The following MET variants were observed in gnomAD, a reference collection of about 807,000 sequenced individuals.
MET encodes the protein MET proto-oncogene, receptor tyrosine kinase.
MET carries 48 observed loss-of-function variants against 133.1 expected under a neutral mutation model. The observed-to-expected ratio is 0.36, with a 90% CI of 0.29 to 0.46. MET has a LOEUF of 0.46. MET is among the 20% of genes least tolerant of loss of function. MET has a pLI of 1.00. For missense variants in MET, 1,442 were observed against 1,695.9 expected (o/e 0.85, Z 2.63); for synonymous variants, 628 against 616.5 (o/e 1.02, Z -0.28).
chr7:116,789,770 T>C (rs1795427421), intron 19 of MET, among the ~76,000 whole-genome samples: 1 of 152,198 alleles, frequency 6.6e-6, no homozygotes, highest in Non-Finnish European at 1.5e-5. Context: ...TCCTTTCTTA[T>C]TGTGGCAAAA....
At chr7:116,789,447 CGGTTTTTCA>C (rs1795416898) in intron 19 of MET, among the ~76,000 whole-genome samples, 1 of 152,136 alleles carries the variant, frequency 6.6e-6, no homozygotes, top group African/African-American at 2.4e-5. Flanking sequence ...TTTCAGTGTT[CGGTTTTTCA>C]GGTTTTGACA....
At chr7:116,677,297 C>T (rs907409362) in intron 1 of MET, among the ~76,000 whole-genome samples, 1 of 152,152 alleles carries the variant, frequency 6.6e-6, no homozygotes, top group Non-Finnish European at 1.5e-5. Context: ...AGTATTAAGT[C>T]ACTGCATTGG....
Position 116,795,273 on chromosome 7 carries a change from G to A in MET, c.3799-382G>A, listed in dbSNP as rs970607296. 2.1e-4 allele frequency among the ~76,000 whole-genome samples: 32 copies of A among 152,198 alleles called. 1 individual carries two copies. The highest frequency in any genetic ancestry group is 4.4e-5 in the Non-Finnish European group (3 of 67,992). On this transcript the variant is annotated intron_variant, in intron 19 of 20. Transcript: ENST00000397752. The stretch of plus-strand genomic sequence containing the variant: ...ACCACACAAATTTAAATTTTGGGAG[G>A]CTTTCTTCTTCTTTTACAAGTAATG...
At chr7:116,765,448 A>G (rs1460459693) in intron 11 of MET, among the ~76,000 whole-genome samples, 1 of 152,110 alleles carries the variant, frequency 6.6e-6, no homozygotes, top group Non-Finnish European at 1.5e-5. Context: ...GATTGTGATC[A>G]TTCCCTGCCC....
chr7:116,750,114 G>A (rs551452197), intron 5 of MET, among the ~76,000 whole-genome samples: 49 of 152,236 alleles, frequency 3.2e-4, no homozygotes, highest in African/African-American at 7.0e-4. Context: ...AAAAGAGCCC[G>A]CATAGCCAAG....
chr7:116,683,198 T>G (rs1796425833), intron 1 of MET, among the ~76,000 whole-genome samples: 1 of 152,246 alleles, frequency 6.6e-6, no homozygotes, highest in Non-Finnish European at 1.5e-5. Context: ...TTATCTTTTC[T>G]GCTCCTCTCC....
intron 5 of MET, among the ~76,000 whole-genome samples, chr7:116,754,932 AAAGAAAG>A (rs1794085355): frequency 6.9e-6 from 1 of 145,570 alleles, no homozygotes; most frequent in South Asian, 2.2e-4. Context: ...AGAAAGAAAG[AAAGAAAG>A]AAAGAAAGAA....
chr7:116,729,800 C>T (rs142065796), intron 2 of MET, among the ~76,000 whole-genome samples: 45 of 152,238 alleles, frequency 3.0e-4, no homozygotes, highest in Non-Finnish European at 5.6e-4. Flanking sequence ...TCTGGAAAAA[C>T]AAAAAGCTTT....
chr7:116,764,705 C>G (rs776756331), intron 11 of MET, among the ~76,000 whole-genome samples: 1 of 152,120 alleles, frequency 6.6e-6, no homozygotes, highest in Non-Finnish European at 1.5e-5. Context: ...TCATCCTCGG[C>G]CTGTCAATGG....
chr7:116,718,265 T>G (rs2116695528), intron 2 of MET, among the ~76,000 whole-genome samples: 1 of 152,150 alleles, frequency 6.6e-6, no homozygotes, highest in African/African-American at 2.4e-5. Flanking sequence ...GGCGGGCACC[T>G]GTAGTCTCAG....
intron 11 of MET, among the ~76,000 whole-genome samples, chr7:116,765,484 A>C (rs556572301): frequency 6.6e-6 from 1 of 151,992 alleles, no homozygotes; most frequent in Admixed American, 6.6e-5. Context: ...CTCAATTCAT[A>C]GTAAGCCCAG....
At chr7:116,686,990 C>T (rs1335895455) in intron 1 of MET, among the ~76,000 whole-genome samples, 4 of 152,332 alleles carry the variant, frequency 2.6e-5, no homozygotes, top group South Asian at 4.1e-4. Context: ...CTCTTCTCCC[C>T]CGTGCTGCTC....
intron 11 of MET, among the ~76,000 whole-genome samples, chr7:116,763,478 T>G (rs1410528382): frequency 1.3e-5 from 2 of 152,192 alleles, no homozygotes; most frequent in African/African-American, 4.8e-5. Context: ...AAACCCTTTC[T>G]TGTGTATGTA....
At chr7:116,731,888 T>C in intron 3 of MET, 29 bp downstream of exon 3, 1 of 1,606,482 alleles carries the variant, frequency 6.2e-7, no homozygotes, top group Non-Finnish European at 8.5e-7. Context: ...TAGCTGTGTC[T>C]GTTCTATCTG....
chr7:116,784,648 C>T (rs1259949645), intron 19 of MET, among the ~76,000 whole-genome samples: 3 of 152,184 alleles, frequency 2.0e-5, no homozygotes, highest in African/African-American at 4.8e-5. Flanking sequence ...ATCCAATCAC[C>T]TCCAACCACG....
chr7:116,766,810 G>A (rs1165125144), intron 11 of MET, among the ~76,000 whole-genome samples: 1 of 152,038 alleles, frequency 6.6e-6, no homozygotes, highest in African/African-American at 2.4e-5. Flanking sequence ...ATATTCCTGT[G>A]GTTTCATGGT....
chr7:116,768,614 A>G (rs896701995), intron 11 of MET, among the ~76,000 whole-genome samples: 1 of 152,190 alleles, frequency 6.6e-6, no homozygotes, highest in Non-Finnish European at 1.5e-5. Flanking sequence ...CAATCAATCT[A>G]TTGAGATCCG....
chr7:116,741,078 TTTTTTGG>T (rs2116839359), intron 5 of MET, 53 bp downstream of exon 5: 1 of 1,603,386 alleles, frequency 6.2e-7, no homozygotes, highest in African/African-American at 1.3e-5. Context: ...TTTTTTTTTT[TTTTTTGG>T]TTTGGTTTGG....
chr7:116,782,732 G>A (rs935424233), intron 18 of MET, among the ~76,000 whole-genome samples: 1 of 152,218 alleles, frequency 6.6e-6, no homozygotes, highest in African/African-American at 2.4e-5. Flanking sequence ...AGCTTAAACA[G>A]AGGATGCATA....
Sources: allele counts gnomAD v4.1 joint callset (sites outside exome capture counted in the v4.1 genomes callset), GRCh38; gene constraint gnomAD v4.1.1; transcripts MANE v1.5; gene names NCBI Gene and HGNC (gene_info 2026-07-23, HGNC 2026-07-21).